Variants in GRAMD2B observed in about 807,000 individuals in gnomAD.
GRAMD2B encodes GRAM domain containing 2B, also known as GRAM domain-containing protein 2B.
In GRAMD2B, 41 loss-of-function variants were observed where a neutral mutation model predicts 59.2. The ratio of observed to expected loss-of-function variants is 0.69; its 90% CI spans 0.54 to 0.90. GRAMD2B has a LOEUF of 0.90. GRAMD2B is among the 40% of genes least tolerant of loss of function. The pLI, the probability that GRAMD2B is intolerant of heterozygous loss-of-function variation, is 0.00. For missense variants in GRAMD2B, 424 were observed against 500.5 expected (o/e 0.85, Z 1.46); for synonymous variants, 161 against 182.7 (o/e 0.88, Z 0.96).
chr5:126,400,838 T>C (rs1757768559), intron 1 of GRAMD2B, among the ~76,000 whole-genome samples: 1 of 152,178 alleles, frequency 6.6e-6, no homozygotes, highest in Non-Finnish European at 1.5e-5. Context: ...CATTCCCTTG[T>C]ATGTGACAGG....
chr5:126,424,721 C>T (rs1760285630), intron 1 of GRAMD2B, among the ~76,000 whole-genome samples: 1 of 152,194 alleles, frequency 6.6e-6, no homozygotes. Flanking sequence ...GCCTTAGCCT[C>T]CTAAATAATA....
intron 1 of GRAMD2B, among the ~76,000 whole-genome samples, chr5:126,375,049 T>C (rs1755060932): frequency 6.6e-6 from 1 of 152,236 alleles, no homozygotes; most frequent in African/African-American, 2.4e-5. Context: ...AAACATGGTA[T>C]AGCTTTCCAT....
chr5:126,365,340 T>C (rs181586720), intron 1 of GRAMD2B, among the ~76,000 whole-genome samples: 1 of 152,294 alleles, frequency 6.6e-6, no homozygotes, highest in Admixed American at 6.5e-5. Context: ...GGGACGCTAA[T>C]AATCATACTA....
chr5:126,479,956 A>G (rs1446762095), intron 6 of GRAMD2B: 1 of 152,742 alleles, frequency 6.5e-6, no homozygotes, highest in Non-Finnish European at 1.5e-5. Flanking sequence ...TATTTGTACA[A>G]GGAAGAATCT....
At chr5:126,448,486 G>T (rs1423255076) in intron 1 of GRAMD2B, among the ~76,000 whole-genome samples, 1 of 152,164 alleles carries the variant, frequency 6.6e-6, no homozygotes, top group Non-Finnish European at 1.5e-5. Flanking sequence ...AGGCAACAGA[G>T]AACCAAAGGG....
intron 2 of GRAMD2B, among the ~76,000 whole-genome samples, chr5:126,468,073 G>A (rs4835906): frequency 0.98 from 149,059 of 152,332 alleles, 72,933 homozygotes; most frequent in East Asian, 1. Context: ...CATGGATTTT[G>A]TGTGTCGTTT....
At chr5:126,417,022 T>C (rs1168893368) in intron 1 of GRAMD2B, among the ~76,000 whole-genome samples, 1 of 152,240 alleles carries the variant, frequency 6.6e-6, no homozygotes, top group East Asian at 1.9e-4. Flanking sequence ...CTATATCTCA[T>C]GCATTTACAA....
intron 1 of GRAMD2B, among the ~76,000 whole-genome samples, chr5:126,363,062 A>C (rs1468223498): frequency 6.6e-6 from 1 of 152,222 alleles, no homozygotes; most frequent in Non-Finnish European, 1.5e-5. Context: ...GAAAATATTT[A>C]CAAATCATAT....
At chr5:126,472,381 A>G (rs2126835586) in intron 4 of GRAMD2B, 77 bp downstream of exon 4, 1 of 1,158,248 alleles carries the variant, frequency 8.6e-7, no homozygotes, top group South Asian at 1.2e-5. Flanking sequence ...GAAAAAGGGC[A>G]TAGTCCATGG....
At chr5:126,473,757 T>C (rs889692512) in intron 5 of GRAMD2B, among the ~76,000 whole-genome samples, 1 of 152,172 alleles carries the variant, frequency 6.6e-6, no homozygotes, top group Admixed American at 6.5e-5. Context: ...GAAACATCAA[T>C]TTTTATACCA....
chr5:126,361,155 A>G (rs1244513736), intron 1 of GRAMD2B, among the ~76,000 whole-genome samples: 1 of 152,238 alleles, frequency 6.6e-6, no homozygotes, highest in Non-Finnish European at 1.5e-5. Flanking sequence ...AATCCCTCAA[A>G]TAATCCTATC....
At chr5:126,470,237 T>C (rs57876755) in intron 3 of GRAMD2B, among the ~76,000 whole-genome samples, 8,779 of 152,240 alleles carry the variant, frequency 0.058, 822 homozygotes, top group African/African-American at 0.2. Flanking sequence ...TAATTTTGGT[T>C]CTGCTTTAAA....
intron 5 of GRAMD2B, among the ~76,000 whole-genome samples, chr5:126,476,222 A>G (rs1334415149): frequency 1.3e-5 from 2 of 152,196 alleles, no homozygotes; most frequent in African/African-American, 4.8e-5. Context: ...GCCGTGAGCC[A>G]AGATTGCACC....
chr5:126,383,901 G>A lies in GRAMD2B; in HGVS notation c.125+12334G>A, dbSNP rs1755876310. On this transcript the variant is annotated intron_variant, in intron 1 of 8. Transcript: ENST00000506445. ...ACTCTTTGAAAGAGAAGGTCAGAGA[G>A]AACTACGTGAGATTCCCAGGTCTAC... Among the ~76,000 whole-genome samples, 7 of 151,902 alleles carry A rather than the reference G, an allele frequency of 4.6e-5. No homozygotes were observed. The South Asian group carries it at 1.5e-3, about 32-fold the overall frequency.
In GRAMD2B at chr5:126,493,497, G is replaced by A. The variant is rs935688116; in HGVS notation, c.*541G>A. 1 of 152,018 alleles carries A rather than the reference G, an allele frequency of 6.6e-6. No homozygotes were observed. Among genetic ancestry groups the A allele is most frequent in the Non-Finnish European group, 1.5e-5 (1 of 68,056 alleles). 9.4% of individuals were successfully genotyped at this position (152,018 alleles called of 1,614,324 possible). A position where few individuals can be genotyped will look rare whatever the true frequency, so the allele number is the denominator to read the frequency against. ...TTGTCTTTTTTTTTTCAGTTCTCCT[G>A]TTATGTTCTGGTTGAAATCACCTGT... On this transcript the variant is annotated 3_prime_UTR_variant, in exon 14 of 14. Coordinates refer to ENST00000285689, the MANE Select transcript of GRAMD2B (RefSeq NM_023927.4).
chr5:126,483,597 G>C, intron 9 of GRAMD2B, 23 bp downstream of exon 9: 1 of 1,367,460 alleles, frequency 7.3e-7, no homozygotes, highest in Non-Finnish European at 1.0e-6. Context: ...GTTGTATTTT[G>C]ACTAAAATTT....
At chr5:126,476,725 T>C (rs1345419740) in intron 5 of GRAMD2B, among the ~76,000 whole-genome samples, 1 of 152,242 alleles carries the variant, frequency 6.6e-6, no homozygotes, top group African/African-American at 2.4e-5. Context: ...TAGGTATCAA[T>C]AATGGTAGCT....
At chr5:126,385,122 G>A (rs1348381386) in intron 1 of GRAMD2B, among the ~76,000 whole-genome samples, 1 of 152,142 alleles carries the variant, frequency 6.6e-6, no homozygotes, top group Non-Finnish European at 1.5e-5. Flanking sequence ...TTCACCCCAG[G>A]AGGGCTGAAG....
At chr5:126,363,450 G>A (rs1754311193) in intron 1 of GRAMD2B, among the ~76,000 whole-genome samples, 1 of 152,034 alleles carries the variant, frequency 6.6e-6, no homozygotes. Flanking sequence ...TTCATTCCTA[G>A]GTATATAATC....
Sources: gnomAD v4.1 joint callset for allele counts (sites outside exome capture counted in the v4.1 genomes callset) on GRCh38, gnomAD v4.1.1 for gene constraint, MANE v1.5 for transcripts, NCBI Gene and HGNC (gene_info 2026-07-23, HGNC 2026-07-21) for gene names.